Variants in MFSD12 observed in about 807,000 individuals in gnomAD.
MFSD12 encodes major facilitator superfamily domain containing 12.
Under a neutral mutation model 51.2 loss-of-function variants are expected in MFSD12, and 67 were observed. The ratio of observed to expected loss-of-function variants is 1.31; its 90% CI spans 1.08 to 1.60. The LOEUF (loss-of-function observed/expected upper bound fraction) is 1.60. MFSD12 is among the 40% of genes most tolerant of loss of function. The probability of loss-of-function intolerance (pLI) is 0.00; values close to 1 mark genes in which losing one functional copy is unlikely to be tolerated. For synonymous variants in MFSD12, 441 were observed against 316.7 expected, an observed-to-expected ratio of 1.39 and a Z score of -4.17; for missense variants, 921 against 673.0, an observed-to-expected ratio of 1.37 and a Z score of -4.08.
chr19:3,548,417 G>GT, intron 2 of MFSD12, 150 bp from the exon 3 acceptor site: 1 of 1,042,928 alleles, frequency 9.6e-7, no homozygotes, highest in East Asian at 2.6e-5. Context: ...CAGGAAGCCC[G>GT]TGCTGGCCTC....
chr19:3,539,508 C>T (rs1402804475), downstream of MFSD12: 11 of 511,212 alleles, frequency 2.2e-5, no homozygotes, highest in East Asian at 1.5e-4. Flanking sequence ...GGACTGCAAA[C>T]GCACTGGGAG....
At chr19:3,546,223 C>T (rs1180136427) in intron 7 of MFSD12, 32 bp downstream of exon 7, 1 of 1,606,784 alleles carries the variant, frequency 6.2e-7, no homozygotes, top group Non-Finnish European at 8.5e-7. Context: ...AGGACCCGGC[C>T]TCCCCCACCC....
At chr19:3,553,532 A>G (rs1385331082) in intron 1 of MFSD12, among the ~76,000 whole-genome samples, 1 of 149,302 alleles carries the variant, frequency 6.7e-6, no homozygotes, top group African/African-American at 2.5e-5. Context: ...ACTTTGGGAG[A>G]CCGAGGCGGG....
intron 2 of MFSD12, among the ~76,000 whole-genome samples, chr19:3,548,625 C>G (rs954894696): frequency 6.6e-6 from 1 of 152,194 alleles, no homozygotes; most frequent in African/African-American, 2.4e-5. Flanking sequence ...AGGGCGAGGG[C>G]TCCCTGGTCT....
Position 3,544,827 on chromosome 19 carries a change from G to C in MFSD12, c.1402C>G (p.Pro468Ala), listed in dbSNP as rs758577285. ...ALCLCSLLLW[P>A]TRLRRWDRDA... ...GACTCACAGCGTCGCAGGCGGGTCG[G>C]CCACAGCAGGAGGCTACAGAGACAC... Residue 468 changes from proline to alanine, a missense_variant, in exon 9 of 10, where the codon CCG (proline) becomes GCG (alanine). Pro to Ala is a conservative substitution (Grantham distance 27). Transcript: ENST00000355415. 3 of 1,612,420 alleles carry C rather than the reference G, an allele frequency of 1.9e-6. No individual in the cohort carries two copies. Among genetic ancestry groups the C allele is most frequent in the Non-Finnish European group, 2.5e-6 (3 of 1,179,604 alleles).
intron 1 of MFSD12, among the ~76,000 whole-genome samples, chr19:3,555,180 C>T (rs1321725722): frequency 2.6e-5 from 4 of 152,202 alleles, no homozygotes; most frequent in Non-Finnish European, 4.4e-5. Context: ...GCGATCTTGG[C>T]TGACTACAGC....
At chr19:3,538,735 G>C in exon 5 of MFSD12, 1 of 481,176 alleles carries the variant, frequency 2.1e-6, no homozygotes, top group Non-Finnish European at 4.3e-6. Context: ...GCTGCTGTGA[G>C]CCACTGCGTG....
At chr19:3,542,231 G>A, downstream of MFSD12, 1 of 985,384 alleles carries the variant, frequency 1.0e-6, no homozygotes, top group Non-Finnish European at 1.2e-6. Context: ...TCTATGTGGG[G>A]TCCCTCAAAC....
At chr19:3,542,932 C>T, downstream of MFSD12, 1 of 1,467,254 alleles carries the variant, frequency 6.8e-7, no homozygotes, top group Non-Finnish European at 9.2e-7. Flanking sequence ...CCAGGAGTAG[C>T]CAGGGCCCTT....
chr19:3,546,067 C>T lies in MFSD12; in HGVS notation c.1289+7G>A. ...AAAAGAATGAATGAACGAACAGCGGCACTCACGGGCAAGGGTGCAGGCTCT... is the reference window on the plus strand; with the variant it reads ...AAAAGAATGAATGAACGAACAGCGGTACTCACGGGCAAGGGTGCAGGCTCT... On this transcript the variant is annotated splice_region_variant and intron_variant, in intron 8 of 9. Coordinates refer to ENST00000355415, the MANE Select transcript of MFSD12 (RefSeq NM_174983.5). 1 of 1,612,980 alleles carries T rather than the reference C, an allele frequency of 6.2e-7. No homozygotes were observed. The highest frequency in any genetic ancestry group is 1.1e-5 in the South Asian group (1 of 91,072).
At position 3,557,287 on chromosome 19, in the gene MFSD12, C is replaced by T. The variant is rs2031781828; in HGVS notation, c.117G>A (p.Trp39Ter). 6.3e-7 allele frequency: 1 copy of T among 1,597,382 alleles called. No individual in the cohort carries two copies. The highest frequency in any genetic ancestry group is 1.1e-5 in the South Asian group (1 of 88,432). ...GCAGGTAGAGCAGCAGGTAGGTGAA[C>T]CACATGGACGCGCACAGGTCGTTGA... ...HFLNDLCASM[W>*]FTYLLLYLHS... The change falls in exon 1 of 10, where the codon TGG (tryptophan) becomes TGA (stop). Residue 39 changes from tryptophan (W) to a stop codon, truncating the protein, a stop_gained. Transcript: ENST00000355415. LOFTEE classifies it high-confidence loss of function.
chr19:3,552,626 C>G (rs371947666), intron 1 of MFSD12, among the ~76,000 whole-genome samples: 196 of 151,178 alleles, frequency 1.3e-3, no homozygotes, highest in African/African-American at 4.7e-3. Context: ...AGGTACCTGC[C>G]GCCACATCCC....
Position 3,547,278 on chromosome 19 carries a change from C to T in MFSD12, c.1017G>A (p.Gly339=), listed in dbSNP as rs1194544463. Residue 339 remains glycine (G), a synonymous_variant, in exon 6 of 10, where the codon GGG becomes GGA. Transcript: ENST00000355415. ...CCGGTCCCCGCCCACTCACGTTCCT[C>T]CCAATGCACTTGTTGATGGGCTTCA... ...FLMKPINKCI[G]RNMTYFSGLL... 12 of 1,613,060 alleles carry T rather than the reference C, an allele frequency of 7.4e-6. No homozygotes were observed. The highest frequency in any genetic ancestry group is 9.3e-6 in the Non-Finnish European group (11 of 1,179,794).
chr19:3,543,813 C>A, downstream of MFSD12: 1 of 1,508,328 alleles, frequency 6.6e-7, no homozygotes. Context: ...CATGGTGACC[C>A]GAGTCCCACC....
chr19:3,545,603 G>C (rs1290554232), intron 8 of MFSD12, among the ~76,000 whole-genome samples: 1 of 152,224 alleles, frequency 6.6e-6, no homozygotes, highest in African/African-American at 2.4e-5. Flanking sequence ...AGGTTTCTCT[G>C]AGCGTTCACC....
chr19:3,551,201 A>G lies in MFSD12; in HGVS notation c.299-7T>C. On this transcript the variant is annotated splice_region_variant and splice_polypyrimidine_tract_variant and intron_variant, in intron 1 of 9. Coordinates refer to ENST00000355415, the MANE Select transcript of MFSD12 (RefSeq NM_174983.5). The surrounding 1 kb of genome is among the most constrained non-coding windows in gnomAD (Gnocchi z 4.6). ...AGCAGGACGCAGACGGTGCCTGTGGAAGGCAGAGTGGTCAGTCGCGGGGCT... is the reference window on the plus strand; with the variant it reads ...AGCAGGACGCAGACGGTGCCTGTGGGAGGCAGAGTGGTCAGTCGCGGGGCT... The G allele has an allele frequency of 6.3e-7, 1 of 1,595,400 alleles. No individual in the cohort carries two copies. The highest frequency in any genetic ancestry group is 8.5e-7 in the Non-Finnish European group (1 of 1,170,580).
At chr19:3,557,068 A>G in intron 1 of MFSD12, 38 bp downstream of exon 1, 1 of 1,398,952 alleles carries the variant, frequency 7.1e-7, no homozygotes, top group Non-Finnish European at 9.2e-7. Flanking sequence ...GGAGTCTCGG[A>G]GGGGCTGCCC....
chr19:3,550,313 C>A (rs1403090843), intron 2 of MFSD12, among the ~76,000 whole-genome samples: 1 of 152,154 alleles, frequency 6.6e-6, no homozygotes, highest in Non-Finnish European at 1.5e-5. Context: ...CTTTGGGAGG[C>A]CAAGGCAGGA....
chr19:3,542,099 T>C (rs1599810698), downstream of MFSD12: 1 of 984,968 alleles, frequency 1.0e-6, no homozygotes, highest in Non-Finnish European at 1.2e-6. Flanking sequence ...CATGAGCCAC[T>C]GCGCCCAGAC....
Sources: gnomAD v4.1 joint callset for allele counts (sites outside exome capture counted in the v4.1 genomes callset) on GRCh38, gnomAD v4.1.1 for gene constraint, Gnocchi (gnomAD v3.1) non-coding constraint, MANE v1.5 for transcripts, NCBI Gene and HGNC (gene_info 2026-07-23, HGNC 2026-07-21) for gene names.